Variants in SPAG16 observed in about 807,000 individuals in gnomAD.
The protein encoded by SPAG16 is sperm-associated antigen 16 protein.
SPAG16 carries 86 observed loss-of-function variants against 80.4 expected under a neutral mutation model. The observed-to-expected ratio is 1.07, with a 90% CI of 0.90 to 1.28. SPAG16 has a LOEUF of 1.28. Among genes scored for constraint, SPAG16 ranks in the 50% most tolerant of loss-of-function variants. The pLI is 0.00. For synonymous variants in SPAG16, 294 were observed against 265.9 expected (o/e 1.11, Z -1.03); for missense variants, 870 against 765.3 (o/e 1.14, Z -1.61).
intron 15 of SPAG16, among the ~76,000 whole-genome samples, chr2:214,302,767 G>T (rs1694647641): frequency 6.6e-6 from 1 of 152,204 alleles, no homozygotes; most frequent in African/African-American, 2.4e-5. Flanking sequence ...ACAGGTGTGA[G>T]CCACCGCGCC....
At chr2:213,478,672 C>T (rs1329839366) in intron 9 of SPAG16, among the ~76,000 whole-genome samples, 1 of 143,866 alleles carries the variant, frequency 7.0e-6, no homozygotes, top group Non-Finnish European at 1.5e-5. Flanking sequence ...GCTATTTGCA[C>T]ATTAATACAT....
chr2:213,576,167 T>A lies in SPAG16; in HGVS notation c.1070+86077T>A, dbSNP rs560351886. Among the ~76,000 whole-genome samples, 7 of 152,308 alleles carry A rather than the reference T, an allele frequency of 4.6e-5. No homozygotes were observed. The South Asian group carries it at 6.2e-4, about 14-fold the overall frequency. The stretch of plus-strand genomic sequence containing the variant: ...GCTAGCCAGATATTCCAGCACCATT[T>A]ATTGAATAGCGAGTCCATTCCCCAT... On this transcript the variant is annotated intron_variant, in intron 10 of 15. Transcript: ENST00000331683.
chr2:213,417,407 C>G (rs1280709290), intron 9 of SPAG16, among the ~76,000 whole-genome samples: 3 of 152,208 alleles, frequency 2.0e-5, no homozygotes, highest in African/African-American at 7.2e-5. Context: ...TGGTGTCATA[C>G]TTCTAAGAAA....
chr2:213,786,554 TATAA>T (rs1575134022), intron 10 of SPAG16, among the ~76,000 whole-genome samples: 2 of 152,304 alleles, frequency 1.3e-5, no homozygotes, highest in Admixed American at 6.5e-5. Flanking sequence ...AATTTTGGAC[TATAA>T]ATAAATAAAC....
chr2:214,194,725 G>A (rs2057775148), intron 15 of SPAG16, among the ~76,000 whole-genome samples: 1 of 151,986 alleles, frequency 6.6e-6, no homozygotes, highest in South Asian at 2.1e-4. Flanking sequence ...GCATATAGTA[G>A]ATCACAAAAT....
At chr2:214,170,642 C>A (rs1313966489) in intron 15 of SPAG16, among the ~76,000 whole-genome samples, 1 of 151,970 alleles carries the variant, frequency 6.6e-6, no homozygotes, top group Admixed American at 6.6e-5. Flanking sequence ...ATTCAGACTG[C>A]CTATCTTCAG....
At chr2:213,474,075 A>G (rs187142523) in intron 9 of SPAG16, among the ~76,000 whole-genome samples, 2 of 152,280 alleles carry the variant, frequency 1.3e-5, no homozygotes, top group East Asian at 3.9e-4. Context: ...GGCTGTTGCC[A>G]CTACTGGGCA....
At chr2:213,832,306 T>A (rs1424621256) in intron 10 of SPAG16, among the ~76,000 whole-genome samples, 3 of 152,044 alleles carry the variant, frequency 2.0e-5, no homozygotes, top group Non-Finnish European at 4.4e-5. Flanking sequence ...CTTTTAATTC[T>A]TGTTGGGGCT....
intron 13 of SPAG16, among the ~76,000 whole-genome samples, chr2:214,039,949 G>A (rs2048917859): frequency 2.0e-5 from 3 of 152,140 alleles, no homozygotes; most frequent in African/African-American, 4.8e-5. Context: ...ATTGGCTAGG[G>A]GTACAGTCAT....
At position 213,518,254 on chromosome 2, in the gene SPAG16, C is replaced by A. The variant is rs1049493986; in HGVS notation, c.1070+28164C>A. ...GATCAAAACCATGATGCAAAACCAT[C>A]GTACACCAGGCAGAATGGCTATTAT... On this transcript the variant is annotated intron_variant, in intron 10 of 15. Coordinates refer to ENST00000331683, the MANE Select transcript of SPAG16 (RefSeq NM_024532.5). 2.0e-5 allele frequency among the ~76,000 whole-genome samples: 3 copies of A among 152,278 alleles called. No homozygotes were observed. In the South Asian group the frequency reaches 6.2e-4, roughly 32 times the overall value.
chr2:213,461,886 ATGTATG>A (rs963346667), intron 9 of SPAG16, among the ~76,000 whole-genome samples: 1 of 151,920 alleles, frequency 6.6e-6, no homozygotes, highest in African/African-American at 2.4e-5. Flanking sequence ...AGGGACATGG[ATGTATG>A]TGTATGTGTA....
chr2:213,337,180 C>G (rs945157843), intron 5 of SPAG16, among the ~76,000 whole-genome samples: 3 of 152,144 alleles, frequency 2.0e-5, no homozygotes, highest in African/African-American at 7.2e-5. Flanking sequence ...ACAACAACAA[C>G]ATCAATGAAA....
intron 12 of SPAG16, among the ~76,000 whole-genome samples, chr2:214,010,161 A>G (rs1444616353): frequency 6.8e-6 from 1 of 146,422 alleles, no homozygotes; most frequent in Non-Finnish European, 1.5e-5. Context: ...AGCAGACTGA[A>G]AAAGATCAGG....
At chr2:214,376,447 A>T (rs1375163752) in intron 15 of SPAG16, among the ~76,000 whole-genome samples, 1 of 152,170 alleles carries the variant, frequency 6.6e-6, no homozygotes, top group African/African-American at 2.4e-5. Flanking sequence ...ACATTCCTTA[A>T]GCATTTCTTC....
At chr2:214,371,867 G>A (rs1699841372) in intron 15 of SPAG16, among the ~76,000 whole-genome samples, 1 of 151,776 alleles carries the variant, frequency 6.6e-6, no homozygotes, top group African/African-American at 2.4e-5. Flanking sequence ...TTTTAGTAGA[G>A]ACGGGATTTC....
chr2:213,891,568 A>T (rs923115181), intron 11 of SPAG16, among the ~76,000 whole-genome samples: 1 of 152,128 alleles, frequency 6.6e-6, no homozygotes, highest in African/African-American at 2.4e-5. Flanking sequence ...AGAAAAGATG[A>T]TTAAAAGCAA....
At chr2:214,030,977 T>C (rs961518665) in intron 13 of SPAG16, among the ~76,000 whole-genome samples, 19 of 152,210 alleles carry the variant, frequency 1.2e-4, no homozygotes, top group Non-Finnish European at 1.2e-4. Flanking sequence ...TTTTATATGA[T>C]TCTTCAGGGA....
chr2:214,349,177 A>G (rs1698249058), intron 15 of SPAG16, among the ~76,000 whole-genome samples: 1 of 152,210 alleles, frequency 6.6e-6, no homozygotes, highest in African/African-American at 2.4e-5. Context: ...AAGGCCAAAT[A>G]GCCAAGTCCC....
intron 9 of SPAG16, among the ~76,000 whole-genome samples, chr2:213,405,926 C>T (rs2068586080): frequency 1.3e-5 from 2 of 152,184 alleles, no homozygotes; most frequent in South Asian, 2.1e-4. Context: ...TAAGGGTTTT[C>T]AAAGTTCTTT....
Sources: gnomAD v4.1 joint callset for allele counts (sites outside exome capture counted in the v4.1 genomes callset) on GRCh38, gnomAD v4.1.1 for gene constraint, MANE v1.5 for transcripts, NCBI Gene and HGNC (gene_info 2026-07-23, HGNC 2026-07-21) for gene names.